DNAJC3: variants seen among roughly 807,000 people sequenced by gnomAD.
DNAJC3 encodes the protein dnaJ homolog subfamily C member 3.
Under a neutral mutation model 68.6 loss-of-function variants are expected in DNAJC3, and 38 were observed. That is an observed-to-expected ratio of 0.55 (90% CI 0.43 to 0.73). The LOEUF is 0.73. Among genes scored for constraint, DNAJC3 ranks in the 30% least tolerant of loss-of-function variants. The pLI, the probability that DNAJC3 is intolerant of heterozygous loss-of-function variation, is 0.00. For missense variants in DNAJC3, 526 were observed against 591.9 expected (o/e 0.89, Z 1.16); for synonymous variants, 203 against 204.0 (o/e 1.00, Z 0.04).
At chr13:95,710,680 TG>T in intron 2 of DNAJC3, among the ~76,000 whole-genome samples, 1 of 146,980 alleles carries the variant, frequency 6.8e-6, no homozygotes, top group South Asian at 2.1e-4. Context: ...TGTTTTGTTT[TG>T]TTTTTGTTTT....
intron 1 of DNAJC3, among the ~76,000 whole-genome samples, chr13:95,691,878 C>A (rs980069385): frequency 6.6e-6 from 1 of 152,218 alleles, no homozygotes; most frequent in Non-Finnish European, 1.5e-5. Flanking sequence ...CACAGTGAAA[C>A]GCCGTCTCCA....
At chr13:95,763,118 T>C (rs1476502634) in intron 7 of DNAJC3, among the ~76,000 whole-genome samples, 1 of 152,228 alleles carries the variant, frequency 6.6e-6, no homozygotes, top group Non-Finnish European at 1.5e-5. Flanking sequence ...GAAATAGCTT[T>C]TATTCTTAGA....
At chr13:95,774,780 T>C (rs1883252086) in intron 9 of DNAJC3, among the ~76,000 whole-genome samples, 1 of 152,236 alleles carries the variant, frequency 6.6e-6, no homozygotes, top group Admixed American at 6.5e-5. Context: ...ATGATATTAA[T>C]AGAATCACCT....
chr13:95,755,828 G>T (rs1010919316), intron 4 of DNAJC3, among the ~76,000 whole-genome samples: 3 of 143,978 alleles, frequency 2.1e-5, no homozygotes, highest in Non-Finnish European at 4.5e-5. Flanking sequence ...CATCTGGCTT[G>T]ACTCTCTTTG....
At chr13:95,730,506 A>C (rs1168343971) in intron 4 of DNAJC3, among the ~76,000 whole-genome samples, 2 of 152,180 alleles carry the variant, frequency 1.3e-5, no homozygotes, top group Admixed American at 1.3e-4. Flanking sequence ...ACAGGGATCC[A>C]GTTTCAATCT....
intron 2 of DNAJC3, among the ~76,000 whole-genome samples, chr13:95,711,791 A>G (rs1190196307): frequency 2.0e-5 from 3 of 152,204 alleles, no homozygotes; most frequent in Non-Finnish European, 4.4e-5. Context: ...TTTCAATAAT[A>G]TATAGGAAAA....
rs1269237561 is a variant in DNAJC3 at position 95,703,825 on chromosome 13, C to T, written c.83-5402C>T. Among the ~76,000 whole-genome samples the T allele has an allele frequency of 2.7e-5, 4 of 150,858 alleles. No individual in the cohort carries two copies. The East Asian group carries it at 7.7e-4, about 29-fold the overall frequency. On this transcript the variant is annotated intron_variant, in intron 1 of 11. Coordinates refer to ENST00000602402, the MANE Select transcript of DNAJC3 (RefSeq NM_006260.5). Reference sequence around the variant, plus strand: ...GCCTTCTGCCAGAATTTCAGTTACTCTGGCTTTTTTTTTTTTTAACCTGAT... The same window carrying T: ...GCCTTCTGCCAGAATTTCAGTTACTTTGGCTTTTTTTTTTTTTAACCTGAT...
chr13:95,757,741 C>T lies in DNAJC3; in HGVS notation c.491C>T (p.Ala164Val), dbSNP rs1296617045. 6.3e-7 allele frequency: 1 copy of T among 1,575,602 alleles called. No homozygotes were observed. The highest frequency in any genetic ancestry group is 8.7e-7 in the Non-Finnish European group (1 of 1,150,370). The change falls in exon 5 of 12, where the codon GCT becomes GTT. Residue 164 changes from alanine to valine, a missense_variant. Ala to Val is a moderately conservative substitution (Grantham distance 64). Coordinates refer to ENST00000602402, the MANE Select transcript of DNAJC3 (RefSeq NM_006260.5). ...CGTTTGCGTTCACAAGCACTTAACG[C>T]TTTTGGAAGTGGAGATTATACTGCT... ...MQRLRSQALN[A>V]FGSGDYTAAI...
intron 4 of DNAJC3, among the ~76,000 whole-genome samples, chr13:95,746,148 A>G (rs1009705218): frequency 3.3e-5 from 5 of 152,220 alleles, no homozygotes; most frequent in African/African-American, 7.2e-5. Context: ...GTAATTGTCC[A>G]TATGCATCCT....
Position 95,760,035 on chromosome 13 carries a change from T to C in DNAJC3, c.547-5T>C. The C allele has an allele frequency of 6.3e-7, 1 of 1,575,906 alleles. No individual in the cohort carries two copies. The highest frequency in any genetic ancestry group is 8.6e-7 in the Non-Finnish European group (1 of 1,161,478). ...TCTTAAAGTCTAGTTCTTTTGTTCCTCAAGGTTTGTGTTTGGGATGCAGAA... is the reference window on the plus strand; with the variant it reads ...TCTTAAAGTCTAGTTCTTTTGTTCCCCAAGGTTTGTGTTTGGGATGCAGAA... On this transcript the variant is annotated splice_polypyrimidine_tract_variant and splice_region_variant and intron_variant, in intron 5 of 11. Coordinates refer to ENST00000602402, the MANE Select transcript of DNAJC3 (RefSeq NM_006260.5).
chr13:95,775,307 A>G (rs1883264378), intron 9 of DNAJC3, among the ~76,000 whole-genome samples: 1 of 152,224 alleles, frequency 6.6e-6, no homozygotes, highest in African/African-American at 2.4e-5. Context: ...TGAAATTAAA[A>G]TATGTCTTCC....
At position 95,792,274 on chromosome 13, in the gene DNAJC3, G is replaced by A. The variant is rs920742739; in HGVS notation, c.*1244G>A. 4 of 152,306 alleles carry A rather than the reference G, an allele frequency of 2.6e-5. No individual in the cohort carries two copies. Among genetic ancestry groups the A allele is most frequent in the Middle Eastern group, 6.8e-3 (2 of 294 alleles). 9.4% of individuals were successfully genotyped at this position (152,306 alleles called of 1,614,324 possible). ...GTGAACTATTCAGTCTTTGTATACTGAATGCTTTTTCCCTAAAAAATGTTA... is the reference window on the plus strand; with the variant it reads ...GTGAACTATTCAGTCTTTGTATACTAAATGCTTTTTCCCTAAAAAATGTTA... On this transcript the variant is annotated 3_prime_UTR_variant, in exon 12 of 12. Transcript: ENST00000602402.
chr13:95,765,397 G>T (rs1440994078), intron 9 of DNAJC3, among the ~76,000 whole-genome samples: 1 of 140,644 alleles, frequency 7.1e-6, no homozygotes, highest in East Asian at 2.0e-4. Flanking sequence ...AGAATATAAA[G>T]AGCTTAGCTG....
At chr13:95,705,244 A>C (rs778510333) in intron 1 of DNAJC3, among the ~76,000 whole-genome samples, 11 of 152,246 alleles carry the variant, frequency 7.2e-5, no homozygotes, top group Non-Finnish European at 1.6e-4. Flanking sequence ...GATATGATGG[A>C]GAAGGAGGTT....
intron 1 of DNAJC3, among the ~76,000 whole-genome samples, chr13:95,677,610 G>A (rs1879795434): frequency 6.6e-6 from 1 of 152,350 alleles, no homozygotes; most frequent in Non-Finnish European, 1.5e-5. Flanking sequence ...CGGGGGCACC[G>A]GGCTACGACT....
In DNAJC3 at chr13:95,730,995, A is replaced by G. The variant is rs560413665; in HGVS notation, c.393+5743A>G. Among the ~76,000 whole-genome samples the G allele has an allele frequency of 3.3e-5, 5 of 152,132 alleles. No homozygotes were observed. The East Asian group carries it at 9.6e-4, about 29-fold the overall frequency. On this transcript the variant is annotated intron_variant, in intron 4 of 11. Coordinates refer to ENST00000602402, the MANE Select transcript of DNAJC3 (RefSeq NM_006260.5). ...TAAATTTCTTTCATCAGTATTTTGT[A>G]GTTTTCTTTGTAGAAGTCTTCCAAT...
At chr13:95,713,490 A>T (rs1050304012) in intron 2 of DNAJC3, among the ~76,000 whole-genome samples, 4 of 152,236 alleles carry the variant, frequency 2.6e-5, no homozygotes, top group African/African-American at 9.6e-5. Flanking sequence ...CTTAAGAAAG[A>T]CTTAAATGAA....
chr13:95,730,593 G>A (rs545516424), intron 4 of DNAJC3, among the ~76,000 whole-genome samples: 6 of 152,084 alleles, frequency 3.9e-5, no homozygotes, highest in South Asian at 4.2e-4. Flanking sequence ...GTATGTTCTC[G>A]GCCCCTTTGT....
chr13:95,754,543 TA>T (rs201728540), intron 4 of DNAJC3, among the ~76,000 whole-genome samples: 12 of 147,678 alleles, frequency 8.1e-5, no homozygotes, highest in Admixed American at 1.4e-4. Flanking sequence ...GATTTAAATG[TA>T]AAAAAAAAAG....
Sources: gnomAD v4.1 joint callset for allele counts (sites outside exome capture counted in the v4.1 genomes callset) on GRCh38, gnomAD v4.1.1 for gene constraint, MANE v1.5 for transcripts, NCBI Gene and HGNC (gene_info 2026-07-23, HGNC 2026-07-21) for gene names.